Variants in STAT1 observed in about 807,000 individuals in gnomAD.
STAT1 encodes signal transducer and activator of transcription 1-alpha/beta.
A neutral mutation model predicts 111.7 loss-of-function variants in STAT1; 24 were observed. The observed-to-expected ratio is 0.21, with a 90% confidence interval of 0.16 to 0.30. The LOEUF is 0.30. Ranked by LOEUF, STAT1 falls within the 10% of genes least tolerant of loss-of-function variation. STAT1 has a pLI of 1.00. For synonymous variants in STAT1, 332 were observed against 326.5 expected (o/e 1.02, Z -0.18); for missense variants, 351 against 911.9 (o/e 0.38, Z 7.92).
In STAT1 at chr2:190,997,765, G is replaced by A. The variant is rs892167462; in HGVS notation, c.785+91C>T. 1.3e-6 allele frequency: 2 copies of A among 1,564,770 alleles called. No homozygotes were observed. The highest frequency in any genetic ancestry group is 1.3e-5 in the African/African-American group (1 of 74,074). Reference sequence around the variant, plus strand: ...AAACTCTATACTAATGTTTTGACAGGGTCCATTCAACTAACACAGCTCAAA... The same window carrying A: ...AAACTCTATACTAATGTTTTGACAGAGTCCATTCAACTAACACAGCTCAAA... On this transcript the variant is annotated intron_variant, in intron 9 of 24. Transcript: ENST00000361099. This position sits in a 1 kb window ranked among gnomAD's most constrained non-coding sequence, Gnocchi z 7.3.
intron 5 of STAT1, 116 bp from the exon 6 acceptor site, chr2:191,001,279 G>A (rs1362844837): frequency 1.3e-6 from 1 of 796,300 alleles, no homozygotes; most frequent in Non-Finnish European, 2.2e-6. Context: ...TGTACTACAG[G>A]CTTCCTGCTT....
chr2:191,005,379 G>A (rs983588759), intron 5 of STAT1, among the ~76,000 whole-genome samples: 8 of 152,188 alleles, frequency 5.3e-5, no homozygotes, highest in African/African-American at 1.9e-4. Flanking sequence ...AGTCAACGAT[G>A]GACCGCGTAT....
In STAT1 at chr2:191,013,528, C is replaced by T; in HGVS notation, c.-5G>A. On this transcript the variant is annotated 5_prime_UTR_variant, in exon 2 of 25. Coordinates refer to ENST00000361099, the MANE Select transcript of STAT1 (RefSeq NM_007315.4). ...GATTCCATGAACATTTACTGACCTGCCACCTTGTGCCCCAACAAGGGCCTG... is the reference window on the plus strand; with the variant it reads ...GATTCCATGAACATTTACTGACCTGTCACCTTGTGCCCCAACAAGGGCCTG... The T allele has an allele frequency of 2.5e-6, 1 of 398,216 alleles. No homozygotes were observed. Among genetic ancestry groups the T allele is most frequent in the Non-Finnish European group, 4.4e-6 (1 of 225,942 alleles). 24.7% of individuals were successfully genotyped at this position (398,216 alleles called of 1,614,324 possible).
chr2:191,009,164 G>C (rs942580634), intron 3 of STAT1, 57 bp from the exon 4 acceptor site: 2 of 1,578,952 alleles, frequency 1.3e-6, no homozygotes, highest in Non-Finnish European at 1.7e-6. Flanking sequence ...ATGTAAAACA[G>C]ACAAAACAAA....
rs767018697 is a variant in STAT1 at position 190,999,710 on chromosome 2, A to C, written c.463-6T>G. 1 of 1,605,012 alleles carries C rather than the reference A, an allele frequency of 6.2e-7. No individual in the cohort carries two copies. Among genetic ancestry groups the C allele is most frequent in the Non-Finnish European group, 8.5e-7 (1 of 1,171,964 alleles). ...TTGATTTCATGCTCTATACACTACA[A>C]ACAAAGATGTAAACATGTTTTCTAC... On this transcript the variant is annotated splice_region_variant and splice_polypyrimidine_tract_variant and intron_variant, in intron 6 of 24. Coordinates refer to ENST00000361099, the MANE Select transcript of STAT1 (RefSeq NM_007315.4). This position sits in a 1 kb window ranked among gnomAD's most constrained non-coding sequence, Gnocchi z 4.1.
rs190054485 is a variant in STAT1, at chr2:191,007,202, T to C, written c.372+361A>G. Among the ~76,000 whole-genome samples the C allele has an allele frequency of 1.2e-3, 185 of 152,256 alleles. 2 individuals are homozygous for C. Among genetic ancestry groups the C allele is most frequent in the Non-Finnish European group, 8.8e-5 (6 of 68,012 alleles). ...CTACCTTGGACAGCTGCAAGAACCC[T>C]CTATCTGCCTGCTTCCATTCCTGTG... On this transcript the variant is annotated intron_variant, in intron 5 of 24. Coordinates refer to ENST00000361099, the MANE Select transcript of STAT1 (RefSeq NM_007315.4). The surrounding 1 kb of genome is among the most constrained non-coding windows in gnomAD (Gnocchi z 4.2).
rs1692350040 is a variant in STAT1, at chr2:190,981,037, A to C, written c.1583-368T>G. Among the ~76,000 whole-genome samples, 1 of 134,292 alleles carries C rather than the reference A, an allele frequency of 7.4e-6. No homozygotes were observed. The highest frequency in any genetic ancestry group is 2.3e-4 in the South Asian group (1 of 4,374). 88.1% of individuals were successfully genotyped at this position (134,292 alleles called of 152,430 possible). ...GCCCCCCTTTTCCCTCCCTCCTCTA[A>C]AGAGAGGACAGTCCTTTTAATGCCT... On this transcript the variant is annotated intron_variant, in intron 18 of 24. Coordinates refer to ENST00000361099, the MANE Select transcript of STAT1 (RefSeq NM_007315.4). The surrounding 1 kb of genome is among the most constrained non-coding windows in gnomAD (Gnocchi z 4.1).
chr2:190,993,776 T>C lies in STAT1; in HGVS notation c.944+1285A>G, dbSNP rs1178511022. Among the ~76,000 whole-genome samples, 3 of 151,596 alleles carry C rather than the reference T, an allele frequency of 2.0e-5. No individual in the cohort carries two copies. The highest frequency in any genetic ancestry group is 3.9e-4 in the East Asian group (2 of 5,180). ...CCCAAAATCAAGTACATTTTTATCA[T>C]GTCAAGTTTGCATTAAAAAAAAAAA... is the stretch of plus-strand genomic sequence containing the variant. On this transcript the variant is annotated intron_variant, in intron 10 of 24. Transcript: ENST00000361099. The surrounding 1 kb of genome is among the most constrained non-coding windows in gnomAD (Gnocchi z 4.1).
At chr2:190,992,471 G>C (rs1462625848) in intron 10 of STAT1, among the ~76,000 whole-genome samples, 1 of 150,550 alleles carries the variant, frequency 6.6e-6, no homozygotes, top group Non-Finnish European at 1.5e-5. Flanking sequence ...TGAGTCAAGA[G>C]AATAAAAAAA....
At chr2:190,985,875 G>C (rs562921104) in intron 14 of STAT1, among the ~76,000 whole-genome samples, 2 of 152,336 alleles carry the variant, frequency 1.3e-5, no homozygotes, top group Admixed American at 6.5e-5. Context: ...AGTCTGGAGG[G>C]ATCTCTTGGA....
Position 190,985,648 on chromosome 2 carries a change from G to A in STAT1, c.1234C>T (p.Gln412Ter). ...TTCGTTCTGGTGCCAGCATTTTTCTGTTCTTTCAATTGCTATAAAACAAAT... is the reference window on the plus strand; with the variant it reads ...TTCGTTCTGGTGCCAGCATTTTTCTATTCTTTCAATTGCTATAAAACAAAT... Reference protein sequence around the residue: ...AEFRHLQLKEQKNAGTRTNEG... With the variant: ...AEFRHLQLKE The change falls in exon 15 of 25, where the codon CAG becomes TAG. Residue 412 changes from glutamine (Q) to a stop codon, truncating the protein, a stop_gained. Coordinates refer to ENST00000361099, the MANE Select transcript of STAT1 (RefSeq NM_007315.4). LOFTEE classifies it high-confidence loss of function. 1 of 1,614,096 alleles carries A rather than the reference G, an allele frequency of 6.2e-7. No homozygotes were observed.
rs1024737425 is a variant in STAT1 at position 190,974,306 on chromosome 2, C to G, written c.2238+524G>C. 6.6e-6 allele frequency among the ~76,000 whole-genome samples: 1 copy of G among 152,198 alleles called. No individual in the cohort carries two copies. Among genetic ancestry groups the G allele is most frequent in the African/African-American group, 2.4e-5 (1 of 41,450 alleles). Reference sequence around the variant, plus strand: ...ACTATTTCACTCCTTGAACCTTTTACTCTTGGCAAGCCCTTCACAGCCCCA... The same window carrying G: ...ACTATTTCACTCCTTGAACCTTTTAGTCTTGGCAAGCCCTTCACAGCCCCA... On this transcript the variant is annotated intron_variant, in intron 24 of 24. Coordinates refer to ENST00000361099, the MANE Select transcript of STAT1 (RefSeq NM_007315.4). The surrounding 1 kb of genome is among the most constrained non-coding windows in gnomAD (Gnocchi z 4.8).
Position 190,970,775 on chromosome 2 carries a change from C to T in STAT1, c.2239-58G>A. Reference sequence around the variant, plus strand: ...ACACTGATCTTGTGAAATGCAGACTCATACATTAAACATTGCTTGTCTATT... The same window carrying T: ...ACACTGATCTTGTGAAATGCAGACTTATACATTAAACATTGCTTGTCTATT... On this transcript the variant is annotated intron_variant, in intron 24 of 24. Coordinates refer to ENST00000361099, the MANE Select transcript of STAT1 (RefSeq NM_007315.4). The surrounding 1 kb of genome is among the most constrained non-coding windows in gnomAD (Gnocchi z 5.4). The T allele has an allele frequency of 6.7e-7, 1 of 1,496,210 alleles. No individual in the cohort carries two copies. 92.7% of individuals were successfully genotyped at this position (1,496,210 alleles called of 1,614,324 possible).
rs1345588188 is a variant in STAT1, at chr2:190,995,354, G to C, written c.786-135C>G. 3 of 960,816 alleles carry C rather than the reference G, an allele frequency of 3.1e-6. No individual in the cohort carries two copies. The highest frequency in any genetic ancestry group is 1.6e-5 in the African/African-American group (1 of 61,784). The allele number at this position is 960,816 out of a possible 1,614,324, so 59.5% of individuals were successfully genotyped here. On this transcript the variant is annotated intron_variant, in intron 9 of 24. Coordinates refer to ENST00000361099, the MANE Select transcript of STAT1 (RefSeq NM_007315.4). The surrounding 1 kb of genome is among the most constrained non-coding windows in gnomAD (Gnocchi z 4.2). Reference sequence around the variant, plus strand: ...ACTCGAGACTGGAGAATTTATAAAGGAAAGAGGTTTAATTGACACATAGTT... The same window carrying C: ...ACTCGAGACTGGAGAATTTATAAAGCAAAGAGGTTTAATTGACACATAGTT...
In STAT1 at chr2:190,995,577, C is replaced by T. The variant is rs985856424; in HGVS notation, c.786-358G>A. Among the ~76,000 whole-genome samples the T allele has an allele frequency of 6.6e-6, 1 of 152,140 alleles. No homozygotes were observed. Among genetic ancestry groups the T allele is most frequent in the Admixed American group, 6.5e-5 (1 of 15,286 alleles). ...CATGATTCAATTATCTCCACCTGGCCCTGCCCTTGACACATGGGGATTATT... is the reference window on the plus strand; with the variant it reads ...CATGATTCAATTATCTCCACCTGGCTCTGCCCTTGACACATGGGGATTATT... On this transcript the variant is annotated intron_variant, in intron 9 of 24. Coordinates refer to ENST00000361099, the MANE Select transcript of STAT1 (RefSeq NM_007315.4). The surrounding 1 kb of genome is among the most constrained non-coding windows in gnomAD (Gnocchi z 4.2).
In STAT1 at chr2:190,990,187, T is replaced by C. The variant is rs889297128; in HGVS notation, c.1038-513A>G. Reference sequence around the variant, plus strand: ...GGCAGGTGAGAGGGTGTACCTCTGCTCCACTGAGCTGGAGACTTTGAGAAG... The same window carrying C: ...GGCAGGTGAGAGGGTGTACCTCTGCCCCACTGAGCTGGAGACTTTGAGAAG... On this transcript the variant is annotated intron_variant, in intron 11 of 24. Coordinates refer to ENST00000361099, the MANE Select transcript of STAT1 (RefSeq NM_007315.4). The surrounding 1 kb of genome is among the most constrained non-coding windows in gnomAD (Gnocchi z 5.1). 1.3e-5 allele frequency among the ~76,000 whole-genome samples: 2 copies of C among 152,160 alleles called. No individual in the cohort carries two copies. Among genetic ancestry groups the C allele is most frequent in the African/African-American group, 4.8e-5 (2 of 41,440 alleles).
Position 191,009,995 on chromosome 2 carries a change from C to T in STAT1, c.9G>A (p.Gln3=). The part of the protein sequence containing the change: MS[Q]WYELQQLDSK... ...AGTCAAGCTGCTGAAGTTCGTACCA[C>T]TGAGACATCCTATAGGGAAAAAGAA... The change falls in exon 3 of 25, where the codon CAG becomes CAA. Residue 3 remains glutamine (Q), a synonymous_variant. Transcript: ENST00000361099. The T allele has an allele frequency of 6.2e-7, 1 of 1,613,974 alleles. No individual in the cohort carries two copies.
chr2:190,992,160 C>T (rs45528632), intron 10 of STAT1, among the ~76,000 whole-genome samples: 25,444 of 152,118 alleles, frequency 0.17, 2,474 homozygotes, highest in African/African-American at 0.25. Flanking sequence ...ATTAATCAGA[C>T]AGTGTAATCT....
rs548960708 is a variant in STAT1 at position 190,997,306 on chromosome 2, T to G, written c.785+550A>C. ...TGTCCTCCACAGAATTCTGATGGCCTTTTGCTAGAGCACCTGGATACTTTT... is the reference window on the plus strand; with the variant it reads ...TGTCCTCCACAGAATTCTGATGGCCGTTTGCTAGAGCACCTGGATACTTTT... On this transcript the variant is annotated intron_variant, in intron 9 of 24. Transcript: ENST00000361099. The surrounding 1 kb of genome is among the most constrained non-coding windows in gnomAD (Gnocchi z 7.3). Among the ~76,000 whole-genome samples the G allele has an allele frequency of 6.6e-6, 1 of 152,338 alleles. No homozygotes were observed. The highest frequency in any genetic ancestry group is 2.1e-4 in the South Asian group (1 of 4,828).
Sources: gnomAD v4.1 joint callset for allele counts (sites outside exome capture counted in the v4.1 genomes callset) on GRCh38, gnomAD v4.1.1 for gene constraint, Gnocchi (gnomAD v3.1) non-coding constraint, MANE v1.5 for transcripts, NCBI Gene and HGNC (gene_info 2026-07-23, HGNC 2026-07-21) for gene names.